Variants in CDH5 observed in about 807,000 individuals in gnomAD.
CDH5 encodes the protein cadherin-5.
Under a neutral mutation model 62.0 loss-of-function variants are expected in CDH5, and 28 were observed. The ratio of observed to expected loss-of-function variants is 0.45; its 90% CI spans 0.33 to 0.62. The LOEUF (loss-of-function observed/expected upper bound fraction) is 0.62, where lower values mean the gene tolerates loss of function less well. Ranked by LOEUF, CDH5 falls within the 20% of genes least tolerant of loss-of-function variation. CDH5 has a pLI of 0.02. For synonymous variants in CDH5, 464 were observed against 445.8 expected, an observed-to-expected ratio of 1.04 and a Z score of -0.52; for missense variants, 940 against 1,065.1, an observed-to-expected ratio of 0.88 and a Z score of 1.63.
At chr16:66,401,056 G>C in intron 11 of CDH5, 40 bp downstream of exon 11, 1 of 1,612,298 alleles carries the variant, frequency 6.2e-7, no homozygotes, top group Non-Finnish European at 8.5e-7. Flanking sequence ...ACAGTGGGTG[G>C]AAGGGGATGG....
chr16:66,383,980 C>T (rs1960939269), intron 2 of CDH5, among the ~76,000 whole-genome samples: 1 of 151,684 alleles, frequency 6.6e-6, no homozygotes, highest in Admixed American at 6.6e-5. Context: ...ACCCTGGGGA[C>T]ACTTTCCAGA....
chr16:66,395,503 C>CTTTTCTTTTTTTTTTTTT (rs1961164785), intron 7 of CDH5: 1 of 80,952 alleles, frequency 1.2e-5, no homozygotes, highest in Non-Finnish European at 2.2e-5. Flanking sequence ...CTTTTCTTTT[C>CTTTTCTTTTTTTTTTTTT]TTTTTTTTTT....
At chr16:66,394,203 T>C (rs1182816325) in intron 7 of CDH5, among the ~76,000 whole-genome samples, 1 of 152,254 alleles carries the variant, frequency 6.6e-6, no homozygotes, top group Admixed American at 6.5e-5. Context: ...TTTGTAACTT[T>C]CATCCAAATG....
At chr16:66,395,588 T>A (rs1961170545) in intron 7 of CDH5, 1 of 151,072 alleles carries the variant, frequency 6.6e-6, no homozygotes, top group Non-Finnish European at 1.5e-5. Context: ...TATTCCTATA[T>A]ACACAAAACA....
chr16:66,397,236 G>C (rs1237613198), intron 8 of CDH5, among the ~76,000 whole-genome samples: 1 of 151,366 alleles, frequency 6.6e-6, no homozygotes, highest in Non-Finnish European at 1.5e-5. Flanking sequence ...TTTTTTAAGA[G>C]AGAAACAGGG....
chr16:66,371,027 C>G lies in CDH5; in HGVS notation c.-20+4269C>G, dbSNP rs185075979. Among the ~76,000 whole-genome samples, 813 of 152,234 alleles carry G rather than the reference C, an allele frequency of 5.3e-3. 2 individuals are homozygous for G. The highest frequency in any genetic ancestry group is 7.2e-3 in the Non-Finnish European group (493 of 68,016). ...GGGAGAGGAACAGGTCTGGAACCCA[C>G]AGAAGCCTATCCCAGGGCCAAACTG... is the stretch of plus-strand genomic sequence containing the variant. On this transcript the variant is annotated intron_variant, in intron 1 of 11. Transcript: ENST00000341529.
At chr16:66,394,985 G>C (rs1226017276) in intron 7 of CDH5, among the ~76,000 whole-genome samples, 1 of 124,582 alleles carries the variant, frequency 8.0e-6, no homozygotes, top group African/African-American at 3.1e-5. Context: ...GAGTATCTGG[G>C]ACTACAGGCA....
rs118050395 is a variant in CDH5, at chr16:66,400,804, A to G, written c.1625A>G (p.Gln542Arg). ...NTANITVKYG[Q>R]FDREHTKVHF... is the part of the protein sequence containing the mutation. Reference sequence around the variant, plus strand: ...GCCAACATCACAGTCAAGTATGGGCAGTTTGACCGGGAGCATACCAAGGTC... The same window carrying G: ...GCCAACATCACAGTCAAGTATGGGCGGTTTGACCGGGAGCATACCAAGGTC... The change falls in exon 11 of 12, where the codon CAG (glutamine) becomes CGG (arginine). Residue 542 changes from glutamine to arginine, a missense_variant. Coordinates refer to ENST00000341529, the MANE Select transcript of CDH5 (RefSeq NM_001795.5). 159 of 1,614,228 alleles carry G rather than the reference A, an allele frequency of 9.8e-5. 1 individual carries two copies. In the East Asian group the frequency reaches 3.5e-3, roughly 35 times the overall value.
At chr16:66,387,626 C>T (rs967250287) in intron 3 of CDH5, among the ~76,000 whole-genome samples, 1 of 152,258 alleles carries the variant, frequency 6.6e-6, no homozygotes, top group Non-Finnish European at 1.5e-5. Flanking sequence ...AGAGGCATAT[C>T]TCACTACTCT....
intron 8 of CDH5, among the ~76,000 whole-genome samples, chr16:66,396,425 A>G (rs1317699023): frequency 6.6e-6 from 1 of 152,042 alleles, no homozygotes; most frequent in African/African-American, 2.4e-5. Flanking sequence ...TCACCCCCAC[A>G]CTGAATCGGA....
At chr16:66,399,456 A>G (rs1188099539) in intron 10 of CDH5, among the ~76,000 whole-genome samples, 1 of 152,212 alleles carries the variant, frequency 6.6e-6, no homozygotes. Context: ...GCAGCAGCCC[A>G]TTACTACATT....
intron 7 of CDH5, among the ~76,000 whole-genome samples, chr16:66,393,935 A>G (rs1229108824): frequency 1.3e-5 from 2 of 152,144 alleles, no homozygotes; most frequent in Non-Finnish European, 2.9e-5. Flanking sequence ...CTTCATTGCC[A>G]TTCTTTTCTA....
chr16:66,371,930 C>T (rs1394265422), intron 1 of CDH5, among the ~76,000 whole-genome samples: 3 of 152,190 alleles, frequency 2.0e-5, no homozygotes, highest in Admixed American at 1.3e-4. Context: ...CCCGCCCTTC[C>T]CTTCCCTTCC....
chr16:66,379,284 TG>T, intron 1 of CDH5, 34 bp from the exon 2 acceptor site: 1 of 1,487,386 alleles, frequency 6.7e-7, no homozygotes, highest in Non-Finnish European at 9.2e-7. Flanking sequence ...TCATCGTCAC[TG>T]GCCAGAGTCT....
intron 11 of CDH5, 120 bp from the exon 12 acceptor site, chr16:66,402,532 G>A (rs1315543550): frequency 5.7e-5 from 48 of 839,136 alleles, no homozygotes; most frequent in Non-Finnish European, 8.0e-5. Context: ...GGGGCCAAAG[G>A]GATGGGCATG....
chr16:66,384,605 T>G (rs1446953739), intron 2 of CDH5, among the ~76,000 whole-genome samples: 2 of 147,044 alleles, frequency 1.4e-5, no homozygotes, highest in African/African-American at 5.1e-5. Context: ...AATACAAAAA[T>G]TAGCCGAGCT....
chr16:66,381,311 C>A (rs1960894744), intron 2 of CDH5, among the ~76,000 whole-genome samples: 1 of 152,216 alleles, frequency 6.6e-6, no homozygotes, highest in South Asian at 2.1e-4. Context: ...CTGACCCTCA[C>A]TTTGTCCTCC....
At chr16:66,402,077 A>G (rs954513448) in intron 11 of CDH5, among the ~76,000 whole-genome samples, 1 of 152,034 alleles carries the variant, frequency 6.6e-6, no homozygotes, top group African/African-American at 2.4e-5. Context: ...CCTCACAACC[A>G]TCCTCCCAAA....
Position 66,390,473 on chromosome 16 carries a change from C to A in CDH5, c.852C>A (p.Asp284Glu), listed in dbSNP as rs1961064111. ...CTGTGGGCTCTCTGTTTGTTGAGGA[C>A]CCAGATGAGCCCCAGAACCGGATGA... Reference protein sequence around the residue: ...GTSVGSLFVEDPDEPQNRMTK... With the variant: ...GTSVGSLFVEEPDEPQNRMTK... Residue 284 changes from aspartate (D) to glutamate (E), a missense_variant, in exon 6 of 12, where the codon GAC becomes GAA. Transcript: ENST00000341529. 2 of 1,614,074 alleles carry A rather than the reference C, an allele frequency of 1.2e-6. No homozygotes were observed. The highest frequency in any genetic ancestry group is 1.7e-6 in the Non-Finnish European group (2 of 1,180,000).
Sources: allele counts gnomAD v4.1 joint callset (sites outside exome capture counted in the v4.1 genomes callset), GRCh38; gene constraint gnomAD v4.1.1; transcripts MANE v1.5; gene names NCBI Gene and HGNC (gene_info 2026-07-23, HGNC 2026-07-21).